The following SPAG16 variants were observed in gnomAD, a reference collection of about 807,000 sequenced individuals.
SPAG16 encodes the protein sperm associated antigen 16.
Under a neutral mutation model 80.4 loss-of-function variants are expected in SPAG16, and 86 were observed. That is an observed-to-expected ratio of 1.07 (90% confidence interval 0.90 to 1.28). The LOEUF (loss-of-function observed/expected upper bound fraction) is 1.28, where lower values mean the gene tolerates loss of function less well. Ranked by LOEUF, SPAG16 falls within the 50% of genes most tolerant of loss-of-function variation. SPAG16 has a pLI of 0.00. For missense variants in SPAG16, 870 were observed against 765.3 expected (o/e 1.14, Z -1.61); for synonymous variants, 294 against 265.9 (o/e 1.11, Z -1.03).
intron 10 of SPAG16, among the ~76,000 whole-genome samples, chr2:213,833,728 C>G (rs573246845): frequency 7.0e-6 from 1 of 143,152 alleles, no homozygotes; most frequent in Non-Finnish European, 1.5e-5. Context: ...AAACTATTTT[C>G]TTTTTTTTCC....
chr2:213,699,109 T>G (rs1273118139), intron 10 of SPAG16, among the ~76,000 whole-genome samples: 1 of 152,156 alleles, frequency 6.6e-6, no homozygotes, highest in Non-Finnish European at 1.5e-5. Flanking sequence ...CGTTTGATGT[T>G]CACAGCCCAC....
chr2:213,441,251 C>T (rs549155172), intron 9 of SPAG16, among the ~76,000 whole-genome samples: 1 of 152,234 alleles, frequency 6.6e-6, no homozygotes, highest in South Asian at 2.1e-4. Context: ...TGGTAACACC[C>T]CAGATGTCCT....
chr2:213,979,721 G>A (rs1575713315), intron 12 of SPAG16, among the ~76,000 whole-genome samples: 1 of 152,090 alleles, frequency 6.6e-6, no homozygotes. Flanking sequence ...TTTGGGTGGA[G>A]TCACAGACCT....
At chr2:213,744,936 A>T in intron 10 of SPAG16, among the ~76,000 whole-genome samples, 1 of 152,314 alleles carries the variant, frequency 6.6e-6, no homozygotes, top group Middle Eastern at 3.4e-3. Flanking sequence ...GTTTACTTTT[A>T]ATTCCATTTT....
At chr2:213,548,236 C>T (rs566926103) in intron 10 of SPAG16, among the ~76,000 whole-genome samples, 2 of 151,876 alleles carry the variant, frequency 1.3e-5, no homozygotes, top group East Asian at 1.9e-4. Context: ...TTTTCGGGGA[C>T]GGAGTTTCGC....
At chr2:213,526,652 T>C (rs1416217984) in intron 10 of SPAG16, among the ~76,000 whole-genome samples, 3 of 152,330 alleles carry the variant, frequency 2.0e-5, no homozygotes, top group East Asian at 3.9e-4. Flanking sequence ...TCTTGAATTA[T>C]CTTCTCATAT....
chr2:213,344,586 G>A (rs1368698735), intron 6 of SPAG16, among the ~76,000 whole-genome samples: 1 of 152,052 alleles, frequency 6.6e-6, no homozygotes, highest in Non-Finnish European at 1.5e-5. Context: ...GTGTCCATGT[G>A]TTCTCATTGT....
chr2:213,288,140 A>G (rs750572764), intron 1 of SPAG16, among the ~76,000 whole-genome samples: 1 of 151,806 alleles, frequency 6.6e-6, no homozygotes, highest in Non-Finnish European at 1.5e-5. Flanking sequence ...TTGGTCTCGA[A>G]CTCCTGTGCT....
At chr2:214,161,879 T>G (rs1434763349) in intron 15 of SPAG16, among the ~76,000 whole-genome samples, 1 of 152,158 alleles carries the variant, frequency 6.6e-6, no homozygotes, top group East Asian at 1.9e-4. Context: ...TTTTAAAAAA[T>G]TAAAGAGTCA....
chr2:214,180,799 T>A (rs1430959443), intron 15 of SPAG16, among the ~76,000 whole-genome samples: 1 of 151,672 alleles, frequency 6.6e-6, no homozygotes, highest in Non-Finnish European at 1.5e-5. Context: ...CTAAAGAATA[T>A]TTTCGGAATA....
At chr2:213,681,284 GAAA>G (rs2064365585) in intron 10 of SPAG16, among the ~76,000 whole-genome samples, 1 of 152,170 alleles carries the variant, frequency 6.6e-6, no homozygotes, top group African/African-American at 2.4e-5. Context: ...GAGTCAGACT[GAAA>G]AGTAAGTCAC....
At chr2:213,828,300 A>G (rs1326287628) in intron 10 of SPAG16, among the ~76,000 whole-genome samples, 2 of 152,122 alleles carry the variant, frequency 1.3e-5, no homozygotes, top group East Asian at 3.8e-4. Flanking sequence ...CCATTCTGCT[A>G]TTAAGAGACT....
intron 10 of SPAG16, among the ~76,000 whole-genome samples, chr2:213,759,300 C>T (rs1017672812): frequency 5.9e-5 from 9 of 151,692 alleles, no homozygotes; most frequent in Non-Finnish European, 1.3e-4. Context: ...TTTAACTGCA[C>T]TTTTCGTGTT....
At chr2:214,261,611 C>T (rs570949232) in intron 15 of SPAG16, among the ~76,000 whole-genome samples, 2 of 151,998 alleles carry the variant, frequency 1.3e-5, no homozygotes, top group African/African-American at 4.8e-5. Flanking sequence ...ACACATTTGC[C>T]CTTTATACAT....
chr2:213,844,806 C>T (rs1332799315), intron 10 of SPAG16, among the ~76,000 whole-genome samples: 2 of 152,162 alleles, frequency 1.3e-5, no homozygotes, highest in East Asian at 1.9e-4. Flanking sequence ...TTTAGTCATT[C>T]GTCTTTATGT....
At chr2:213,711,496 A>AT (rs34374076) in intron 10 of SPAG16, among the ~76,000 whole-genome samples, 52,532 of 150,054 alleles carry the variant, frequency 0.35, 9,441 homozygotes, top group Middle Eastern at 0.47. Flanking sequence ...GCCTATAATA[A>AT]TTTTTATTTA....
chr2:213,780,571 C>T (rs56859716), intron 10 of SPAG16, among the ~76,000 whole-genome samples: 86 of 124,554 alleles, frequency 6.9e-4, no homozygotes, highest in East Asian at 6.3e-3. Flanking sequence ...TCTTTTCTTT[C>T]TTTTTTTTTT....
chr2:213,917,645 A>C (rs1470968088), intron 11 of SPAG16, among the ~76,000 whole-genome samples: 1 of 152,158 alleles, frequency 6.6e-6, no homozygotes, highest in Non-Finnish European at 1.5e-5. Context: ...ACTTTGCTGA[A>C]GTTGTTTGTC....
chr2:213,713,276 T>C (rs1481335097), intron 10 of SPAG16, among the ~76,000 whole-genome samples: 4 of 152,126 alleles, frequency 2.6e-5, no homozygotes, highest in Non-Finnish European at 4.4e-5. Context: ...ACACTTCTTG[T>C]GAGGCAGGGG....
Sources: allele counts gnomAD v4.1 joint callset (sites outside exome capture counted in the v4.1 genomes callset), GRCh38; gene constraint gnomAD v4.1.1; transcripts MANE v1.5; gene names NCBI Gene and HGNC (gene_info 2026-07-23, HGNC 2026-07-21).